Variants in OSBPL6 observed in about 807,000 individuals in gnomAD.
The protein encoded by OSBPL6 is oxysterol binding protein like 6, also known as oxysterol-binding protein-related protein 6.
OSBPL6 carries 49 observed loss-of-function variants against 125.8 expected under a neutral mutation model. The observed-to-expected ratio is 0.39, with a 90% CI of 0.31 to 0.49. OSBPL6 has a LOEUF of 0.49. Ranked by LOEUF, OSBPL6 falls within the 20% of genes least tolerant of loss-of-function variation. OSBPL6 has a pLI of 0.88. For synonymous variants in OSBPL6, 394 were observed against 391.8 expected (o/e 1.01, Z -0.07); for missense variants, 986 against 1,135.4 (o/e 0.87, Z 1.89).
At position 178,264,658 on chromosome 2, in the gene OSBPL6, A is replaced by G. The variant is rs953615146; in HGVS notation, c.-350-20269A>G. 3.9e-5 allele frequency among the ~76,000 whole-genome samples: 6 copies of G among 152,202 alleles called. No homozygotes were observed. The South Asian group carries it at 1.2e-3, about 31-fold the overall frequency. On this transcript the variant is annotated intron_variant, in intron 1 of 24. Transcript: ENST00000190611. ...CTGTGTGTGTATTTTCAGGCCCCTTACAATTGCATATTCTCCAATGGGTCC... is the reference window on the plus strand; with the variant it reads ...CTGTGTGTGTATTTTCAGGCCCCTTGCAATTGCATATTCTCCAATGGGTCC...
At chr2:178,285,522 A>G (rs1472191086) in intron 2 of OSBPL6, among the ~76,000 whole-genome samples, 3 of 152,214 alleles carry the variant, frequency 2.0e-5, no homozygotes, top group Non-Finnish European at 4.4e-5. Flanking sequence ...CTTAAAATGC[A>G]TCCAGTTTTT....
At chr2:178,313,417 C>A (rs1687464253) in intron 3 of OSBPL6, among the ~76,000 whole-genome samples, 1 of 152,120 alleles carries the variant, frequency 6.6e-6, no homozygotes, top group African/African-American at 2.4e-5. Context: ...GTGATAGCAT[C>A]TGTTATGGGT....
chr2:178,347,269 A>G (rs6754517), intron 11 of OSBPL6, among the ~76,000 whole-genome samples: 44,802 of 151,974 alleles, frequency 0.29, 7,249 homozygotes, highest in African/African-American at 0.41. Flanking sequence ...GTGAGTCCTC[A>G]GAGTGTTGAG....
At chr2:178,291,507 T>A (rs1330386418) in intron 2 of OSBPL6, among the ~76,000 whole-genome samples, 1 of 152,230 alleles carries the variant, frequency 6.6e-6, no homozygotes, top group Non-Finnish European at 1.5e-5. Flanking sequence ...TATTGCTTCC[T>A]TTTATTTGAT....
chr2:178,338,728 G>A (rs565517259), intron 9 of OSBPL6, among the ~76,000 whole-genome samples: 1 of 152,246 alleles, frequency 6.6e-6, no homozygotes, highest in South Asian at 2.1e-4. Context: ...GAGCAGAAAA[G>A]GGATCACATA....
At chr2:178,239,679 G>A (rs1330481361) in intron 1 of OSBPL6, among the ~76,000 whole-genome samples, 1 of 151,358 alleles carries the variant, frequency 6.6e-6, no homozygotes, top group East Asian at 1.9e-4. Flanking sequence ...AGGCTGGAGT[G>A]CAGTGGTGTG....
intron 3 of OSBPL6, chr2:178,320,323 C>T: frequency 6.2e-7 from 1 of 1,612,512 alleles, no homozygotes; most frequent in Non-Finnish European, 8.5e-7. Context: ...TAAAGAGCTA[C>T]AGTGAAATAT....
intron 11 of OSBPL6, among the ~76,000 whole-genome samples, chr2:178,346,487 AATGTCCCC>A (rs2154086434): frequency 6.6e-6 from 1 of 152,300 alleles, no homozygotes; most frequent in Admixed American, 6.5e-5. Flanking sequence ...AGCATCTCCT[AATGTCCCC>A]ATTCCAAACT....
In OSBPL6 at chr2:178,197,229, C is replaced by G. The variant is rs1202164681; in HGVS notation, c.-351+2555C>G. 2.0e-5 allele frequency among the ~76,000 whole-genome samples: 3 copies of G among 152,120 alleles called. No individual in the cohort carries two copies. In the East Asian group the frequency reaches 5.8e-4, roughly 29 times the overall value. ...AATTTACATAAACCAGGGAAACAACCAAATACAAACACTAAATAAAAACAT... is the reference window on the plus strand; with the variant it reads ...AATTTACATAAACCAGGGAAACAACGAAATACAAACACTAAATAAAAACAT... On this transcript the variant is annotated intron_variant, in intron 1 of 24. Transcript: ENST00000190611.
In OSBPL6 at chr2:178,235,461, C is replaced by T. The variant is rs139671195; in HGVS notation, c.-351+40787C>T. ...TCGCTGTGTCACCCAGGCTGGAGTG[C>T]GGTGGTGCAATCCTGGCTCACTGCA... On this transcript the variant is annotated intron_variant, in intron 1 of 24. Coordinates refer to ENST00000190611, the MANE Select transcript of OSBPL6 (RefSeq NM_032523.4). Among the ~76,000 whole-genome samples the T allele has an allele frequency of 1.3e-3, 164 of 126,726 alleles. 1 individual carries two copies. Among genetic ancestry groups the T allele is most frequent in the East Asian group, 8.9e-3 (36 of 4,058 alleles). The allele number at this position is 126,726 out of a possible 152,430, so 83.1% of individuals were successfully genotyped here.
chr2:178,343,184 T>C (rs537931172), intron 11 of OSBPL6, among the ~76,000 whole-genome samples: 4 of 152,190 alleles, frequency 2.6e-5, no homozygotes, highest in East Asian at 3.9e-4. Flanking sequence ...GTTTGGGCTG[T>C]TAGGAGATTC....
At chr2:178,357,231 G>A (rs1691878878) in intron 12 of OSBPL6, among the ~76,000 whole-genome samples, 1 of 152,170 alleles carries the variant, frequency 6.6e-6, no homozygotes, top group African/African-American at 2.4e-5. Context: ...AGCCAAAATA[G>A]ACAAATGGGA....
intron 2 of OSBPL6, among the ~76,000 whole-genome samples, chr2:178,290,001 C>T (rs980996610): frequency 2.0e-5 from 3 of 152,080 alleles, no homozygotes; most frequent in African/African-American, 4.8e-5. Flanking sequence ...GTCATTGGAC[C>T]GTGTTTCGGG....
intron 1 of OSBPL6, among the ~76,000 whole-genome samples, chr2:178,203,674 G>A (rs887676179): frequency 6.6e-6 from 1 of 152,100 alleles, no homozygotes; most frequent in African/African-American, 2.4e-5. Context: ...GGATATTTTT[G>A]CATTCCTGTA....
intron 1 of OSBPL6, among the ~76,000 whole-genome samples, chr2:178,235,023 C>G (rs2090990332): frequency 6.6e-6 from 1 of 152,182 alleles, no homozygotes; most frequent in Admixed American, 6.5e-5. Context: ...TCTTGTTAAC[C>G]TCTGTGATGA....
At chr2:178,355,608 CA>C (rs1411652625) in intron 12 of OSBPL6, among the ~76,000 whole-genome samples, 2 of 151,942 alleles carry the variant, frequency 1.3e-5, no homozygotes, top group African/African-American at 4.8e-5. Context: ...GCCTACCAAC[CA>C]AAAAAAGTAC....
intron 13 of OSBPL6, among the ~76,000 whole-genome samples, chr2:178,368,634 A>G (rs1490706808): frequency 6.6e-6 from 1 of 152,132 alleles, no homozygotes; most frequent in Admixed American, 6.6e-5. Flanking sequence ...GGAAAGTGTA[A>G]TTCTTTACCA....
At chr2:178,346,331 C>A (rs753954582) in intron 11 of OSBPL6, among the ~76,000 whole-genome samples, 5 of 152,194 alleles carry the variant, frequency 3.3e-5, no homozygotes, top group Non-Finnish European at 5.9e-5. Flanking sequence ...GGAGACTTTT[C>A]CCACTGGCTC....
At chr2:178,215,109 AAAAG>A (rs947871834) in intron 1 of OSBPL6, among the ~76,000 whole-genome samples, 2 of 152,020 alleles carry the variant, frequency 1.3e-5, no homozygotes, top group Non-Finnish European at 2.9e-5. Flanking sequence ...AAAAAAAAAA[AAAAG>A]AAAAAACAGA....
Sources: allele counts gnomAD v4.1 joint callset (sites outside exome capture counted in the v4.1 genomes callset), GRCh38; gene constraint gnomAD v4.1.1; transcripts MANE v1.5; gene names NCBI Gene and HGNC (gene_info 2026-07-23, HGNC 2026-07-21).